Variants in AGAP1 observed in about 807,000 individuals in gnomAD.
The protein encoded by AGAP1 is arf-GAP with GTPase, ANK repeat and PH domain-containing protein 1.
AGAP1 carries 29 observed loss-of-function variants against 105.3 expected under a neutral mutation model. That is an observed-to-expected ratio of 0.28 (90% CI 0.21 to 0.38). AGAP1 has a LOEUF of 0.38. AGAP1 is among the 10% of genes least tolerant of loss of function. AGAP1 has a pLI of 1.00. For synonymous variants in AGAP1, 509 were observed against 485.9 expected, an observed-to-expected ratio of 1.05 and a Z score of -0.63; for missense variants, 998 against 1,165.1, an observed-to-expected ratio of 0.86 and a Z score of 2.09.
At chr2:235,627,020 G>A (rs771386548) in intron 1 of AGAP1, among the ~76,000 whole-genome samples, 2 of 152,080 alleles carry the variant, frequency 1.3e-5, no homozygotes, top group African/African-American at 4.8e-5. Flanking sequence ...TTCACATAAC[G>A]TAAGTTTGAA....
At position 235,995,676 on chromosome 2, in the gene AGAP1, A is replaced by G. The variant is rs375129113; in HGVS notation, c.1645+27053A>G. Among the ~76,000 whole-genome samples, 25 of 152,308 alleles carry G rather than the reference A, an allele frequency of 1.6e-4. No individual in the cohort carries two copies. The East Asian group carries it at 4.8e-3, about 29-fold the overall frequency. ...CACTGCGGGTCCGATTCTGCCATCA[A>G]GAAAGCTGCACAGACCTCATCAGAA... On this transcript the variant is annotated intron_variant, in intron 13 of 17. Coordinates refer to ENST00000304032, the MANE Select transcript of AGAP1 (RefSeq NM_001037131.3).
rs144404315 is a variant in AGAP1 at position 235,543,916 on chromosome 2, T to C, written c.163+49067T>C. ...ATCACGGGATGGTTCCAGGGTAATA[T>C]CTGGTCAAGGGCTTGCGGCAGATAG... On this transcript the variant is annotated intron_variant, in intron 1 of 17. Coordinates refer to ENST00000304032, the MANE Select transcript of AGAP1 (RefSeq NM_001037131.3). Among the ~76,000 whole-genome samples, 869 of 152,210 alleles carry C rather than the reference T, an allele frequency of 5.7e-3. 4 individuals are homozygous for C. The highest frequency in any genetic ancestry group is 6.2e-3 in the Non-Finnish European group (419 of 68,006).
At chr2:235,528,938 A>G (rs1247835211) in intron 1 of AGAP1, among the ~76,000 whole-genome samples, 1 of 152,130 alleles carries the variant, frequency 6.6e-6, no homozygotes, top group African/African-American at 2.4e-5. Context: ...GGCTTCCCAA[A>G]GTGCTGGGAT....
In AGAP1 at chr2:235,703,685, G is replaced by A. The variant is rs183401700; in HGVS notation, c.164-5494G>A. Among the ~76,000 whole-genome samples, 544 of 151,006 alleles carry A rather than the reference G, an allele frequency of 3.6e-3. 3 individuals carry two copies. The highest frequency in any genetic ancestry group is 0.012 in the African/African-American group (501 of 41,048). On this transcript the variant is annotated intron_variant, in intron 1 of 17. Transcript: ENST00000304032. Reference sequence around the variant, plus strand: ...ACAATCTCGGCTTACCACAACCTCCGCCTCCTGGGTCAAGCAATTCTCCTG... The same window carrying A: ...ACAATCTCGGCTTACCACAACCTCCACCTCCTGGGTCAAGCAATTCTCCTG...
chr2:235,860,914 A>G (rs964151737), intron 9 of AGAP1, among the ~76,000 whole-genome samples: 3 of 152,212 alleles, frequency 2.0e-5, no homozygotes, highest in African/African-American at 7.2e-5. Flanking sequence ...AACAAATAGT[A>G]CCAAATCTCT....
At chr2:235,618,020 A>G (rs1170725419) in intron 1 of AGAP1, among the ~76,000 whole-genome samples, 1 of 152,086 alleles carries the variant, frequency 6.6e-6, no homozygotes, top group East Asian at 1.9e-4. Flanking sequence ...AGCATCAACC[A>G]AGAGGATGCA....
intron 12 of AGAP1, among the ~76,000 whole-genome samples, chr2:235,941,130 T>G (rs2053238699): frequency 6.6e-6 from 1 of 152,224 alleles, no homozygotes; most frequent in Non-Finnish European, 1.5e-5. Context: ...AGACAGAGCA[T>G]GTTGGTCACA....
chr2:235,990,001 C>G (rs994111940), intron 13 of AGAP1, among the ~76,000 whole-genome samples: 1 of 152,052 alleles, frequency 6.6e-6, no homozygotes, highest in African/African-American at 2.4e-5. Context: ...GTGTGAAGGA[C>G]CAGTGTCTCA....
In AGAP1 at chr2:235,689,848, G is replaced by A. The variant is rs1949654787; in HGVS notation, c.164-19331G>A. ...TGCTGCCAGGAGAGCATCTGGGGTG[G>A]TGTCCTACACCTCCTTTCCAGGAGT... is the stretch of plus-strand genomic sequence containing the variant. On this transcript the variant is annotated intron_variant, in intron 1 of 17. Transcript: ENST00000304032. The surrounding 1 kb of genome is among the most constrained non-coding windows in gnomAD (Gnocchi z 4.2). Among the ~76,000 whole-genome samples the A allele has an allele frequency of 1.3e-5, 2 of 152,214 alleles. No individual in the cohort carries two copies. Among genetic ancestry groups the A allele is most frequent in the African/African-American group, 2.4e-5 (1 of 41,462 alleles).
chr2:236,012,911 T>G lies in AGAP1; in HGVS notation c.1646-23650T>G, dbSNP rs148715977. Among the ~76,000 whole-genome samples the G allele has an allele frequency of 6.0e-3, 908 of 152,224 alleles. 6 individuals are homozygous for G. The highest frequency in any genetic ancestry group is 0.021 in the African/African-American group (866 of 41,534). On this transcript the variant is annotated intron_variant, in intron 13 of 17. Transcript: ENST00000304032. The surrounding 1 kb of genome is among the most constrained non-coding windows in gnomAD (Gnocchi z 4.9). ...ATAGGCGTGCCCCACCATGCACAGC[T>G]AATTTTTGTATTTTTAGTAGAGACG...
Position 235,901,493 on chromosome 2 carries a change from A to C in AGAP1, c.1156-7245A>C, listed in dbSNP as rs184071905. Among the ~76,000 whole-genome samples the C allele has an allele frequency of 6.6e-6, 1 of 152,250 alleles. No individual in the cohort carries two copies. The highest frequency in any genetic ancestry group is 1.5e-5 in the Non-Finnish European group (1 of 68,036). ...CCTTTGCTCCTCCCCGGTTGTGTAC[A>C]TAAAAGCATACACATGGAGCCAATG... On this transcript the variant is annotated intron_variant, in intron 10 of 17. Coordinates refer to ENST00000304032, the MANE Select transcript of AGAP1 (RefSeq NM_001037131.3). The surrounding 1 kb of genome is among the most constrained non-coding windows in gnomAD (Gnocchi z 4.3).
At chr2:235,870,208 C>G (rs987942691) in intron 9 of AGAP1, among the ~76,000 whole-genome samples, 3 of 152,108 alleles carry the variant, frequency 2.0e-5, no homozygotes, top group African/African-American at 7.2e-5. Flanking sequence ...ATGGCCTTGT[C>G]GTCTACACCA....
intron 1 of AGAP1, among the ~76,000 whole-genome samples, chr2:235,676,667 C>G (rs1948752591): frequency 6.6e-6 from 1 of 152,084 alleles, no homozygotes; most frequent in Non-Finnish European, 1.5e-5. Context: ...CTACAATGAG[C>G]TTTGGTGTTT....
At chr2:235,498,490 C>G (rs562143205) in intron 1 of AGAP1, among the ~76,000 whole-genome samples, 2 of 152,222 alleles carry the variant, frequency 1.3e-5, no homozygotes, top group East Asian at 3.9e-4. Flanking sequence ...AGAGCCATCT[C>G]GCCTCCAGTC....
At position 236,050,418 on chromosome 2, in the gene AGAP1, G is replaced by A. The variant is rs1049509662; in HGVS notation, c.2114+1137G>A. Among the ~76,000 whole-genome samples, 18 of 152,188 alleles carry A rather than the reference G, an allele frequency of 1.2e-4. No individual in the cohort carries two copies. Among genetic ancestry groups the A allele is most frequent in the African/African-American group, 4.3e-4 (18 of 41,436 alleles). On this transcript the variant is annotated intron_variant, in intron 16 of 17. Coordinates refer to ENST00000304032, the MANE Select transcript of AGAP1 (RefSeq NM_001037131.3). The surrounding 1 kb of genome is among the most constrained non-coding windows in gnomAD (Gnocchi z 4.0). ...GAACATATTTGTTTAAAATTGCATG[G>A]TTTTGATACGCGACCTCTTTATGAG...
intron 13 of AGAP1, among the ~76,000 whole-genome samples, chr2:236,010,210 T>A (rs1016732699): frequency 6.6e-6 from 1 of 152,130 alleles, no homozygotes; most frequent in African/African-American, 2.4e-5. Context: ...GGAACCCAGA[T>A]GAAAAGCTGT....
chr2:235,874,807 G>A lies in AGAP1; in HGVS notation c.1051-8538G>A, dbSNP rs1255123827. ...CCTAGAACCAAGATACCATGAGTGT[G>A]TGTGTGCATGTGTGTGTGCGTGTGC... is the stretch of plus-strand genomic sequence containing the variant. On this transcript the variant is annotated intron_variant, in intron 9 of 17. Coordinates refer to ENST00000304032, the MANE Select transcript of AGAP1 (RefSeq NM_001037131.3). This position sits in a 1 kb window ranked among gnomAD's most constrained non-coding sequence, Gnocchi z 4.5. Among the ~76,000 whole-genome samples the A allele has an allele frequency of 6.6e-6, 1 of 152,170 alleles. No homozygotes were observed. The highest frequency in any genetic ancestry group is 1.5e-5 in the Non-Finnish European group (1 of 68,040).
chr2:235,778,821 G>A (rs1956075074), intron 6 of AGAP1, among the ~76,000 whole-genome samples: 1 of 152,132 alleles, frequency 6.6e-6, no homozygotes, highest in Non-Finnish European at 1.5e-5. Flanking sequence ...ACCACATCTA[G>A]ACCCTCATAT....
At chr2:235,711,802 C>G (rs1322556349) in intron 2 of AGAP1, among the ~76,000 whole-genome samples, 2 of 152,154 alleles carry the variant, frequency 1.3e-5, no homozygotes, top group African/African-American at 4.8e-5. Flanking sequence ...CAATTGTTTC[C>G]CTCCTAGCGC....
Sources: allele counts gnomAD v4.1 joint callset (sites outside exome capture counted in the v4.1 genomes callset), GRCh38; gene constraint gnomAD v4.1.1; non-coding constraint Gnocchi (gnomAD v3.1); transcripts MANE v1.5; gene names NCBI Gene and HGNC (gene_info 2026-07-23, HGNC 2026-07-21).